ME2: variants seen among roughly 807,000 people sequenced by gnomAD.
ME2 encodes malic enzyme 2, also known as NAD-dependent malic enzyme, mitochondrial.
In ME2, 60 loss-of-function variants were observed where a neutral mutation model predicts 73.7. The ratio of observed to expected loss-of-function variants is 0.81; its 90% CI spans 0.66 to 1.01. The LOEUF (loss-of-function observed/expected upper bound fraction) is 1.01. Among genes scored for constraint, ME2 ranks in the 50% least tolerant of loss-of-function variants. ME2 has a pLI of 0.00. For synonymous variants in ME2, 199 were observed against 236.9 expected, an observed-to-expected ratio of 0.84 and a Z score of 1.47; for missense variants, 594 against 705.5, an observed-to-expected ratio of 0.84 and a Z score of 1.79.
At chr18:50,925,651 T>C in intron 11 of ME2, 105 bp from the exon 12 acceptor site, 2 of 879,504 alleles carry the variant, frequency 2.3e-6, no homozygotes, top group Non-Finnish European at 3.6e-6. Context: ...TAATGAGATA[T>C]TACCTGTGTT....
At chr18:50,902,267 G>A (rs564413814) in intron 2 of ME2, among the ~76,000 whole-genome samples, 28 of 152,208 alleles carry the variant, frequency 1.8e-4, no homozygotes, top group African/African-American at 6.7e-4. Context: ...AGTTCTCTGA[G>A]GGTTTTGTTA....
intron 15 of ME2, among the ~76,000 whole-genome samples, chr18:50,943,530 C>G (rs1918011802): frequency 6.6e-6 from 1 of 152,082 alleles, no homozygotes. Flanking sequence ...TCTCAAACTC[C>G]TGAGCTCAGG....
rs914034656 is a variant in ME2 at position 50,917,609 on chromosome 18, A to G, written c.630+101A>G. 35 of 809,078 alleles carry G rather than the reference A, an allele frequency of 4.3e-5. No homozygotes were observed. In the East Asian group the frequency reaches 9.6e-4, roughly 22 times the overall value. 50.1% of individuals were successfully genotyped at this position (809,078 alleles called of 1,614,324 possible). On this transcript the variant is annotated intron_variant, in intron 6 of 15. Transcript: ENST00000321341. ...TGATAATTTAAGAAGGGAAAGTTTT[A>G]TGATTAGATTTTTTTTTCTTAAACT...
At chr18:50,945,345 C>T (rs1918059252) in intron 15 of ME2, 1 of 152,156 alleles carries the variant, frequency 6.6e-6, no homozygotes, top group South Asian at 2.1e-4. Flanking sequence ...CTCATAAACT[C>T]CTGACGTCAG....
chr18:50,940,626 T>G (rs1227017031), intron 15 of ME2, among the ~76,000 whole-genome samples: 1 of 152,164 alleles, frequency 6.6e-6, no homozygotes, highest in East Asian at 1.9e-4. Context: ...TGTGCCTTTT[T>G]GAAAAATTGT....
intron 2 of ME2, among the ~76,000 whole-genome samples, chr18:50,903,388 A>G (rs756692900): frequency 2.6e-5 from 4 of 152,204 alleles, no homozygotes; most frequent in Non-Finnish European, 2.9e-5. Flanking sequence ...AAATCTAAAT[A>G]GGAAATAGGC....
In ME2 at chr18:50,879,477, G is replaced by T. The variant is rs1028663270; in HGVS notation, c.-13+169G>T. 2.3e-3 allele frequency among the ~76,000 whole-genome samples: 350 copies of T among 152,268 alleles called. 4 individuals carry two copies. Among genetic ancestry groups the T allele is most frequent in the Non-Finnish European group, 2.3e-3 (157 of 68,002 alleles). On this transcript the variant is annotated intron_variant, in intron 1 of 15. Transcript: ENST00000321341. The stretch of plus-strand genomic sequence containing the variant: ...GGGGCTGGGGGAAGGGAAGCGGTCT[G>T]CGGAGTCCGGGCTGAGGGCGAGGGA...
At chr18:50,894,461 A>G (rs962805471) in intron 1 of ME2, among the ~76,000 whole-genome samples, 3 of 152,000 alleles carry the variant, frequency 2.0e-5, no homozygotes, top group South Asian at 2.1e-4. Context: ...CCAGCTACTC[A>G]GAAGGCTAAG....
chr18:50,881,552 TA>T (rs1248117070), intron 1 of ME2, among the ~76,000 whole-genome samples: 12 of 152,352 alleles, frequency 7.9e-5, no homozygotes, highest in African/African-American at 2.6e-4. Context: ...TCAAAAGTGA[TA>T]AAAAATATAT....
chr18:50,946,685 C>T (rs1918090942), intron 15 of ME2, among the ~76,000 whole-genome samples: 1 of 152,150 alleles, frequency 6.6e-6, no homozygotes, highest in Non-Finnish European at 1.5e-5. Flanking sequence ...GGTTTTCTTC[C>T]TGGTCAAGTT....
At chr18:50,883,840 G>A (rs1220475459) in intron 1 of ME2, among the ~76,000 whole-genome samples, 2 of 152,134 alleles carry the variant, frequency 1.3e-5, no homozygotes, top group Admixed American at 1.3e-4. Flanking sequence ...TCCAGCCTGG[G>A]TGACAGAGCA....
intron 2 of ME2, among the ~76,000 whole-genome samples, chr18:50,899,460 T>TA (rs1053792224): frequency 2.6e-5 from 4 of 151,934 alleles, no homozygotes; most frequent in African/African-American, 9.7e-5. Flanking sequence ...ACCAAAAATA[T>TA]AAAAAAATTA....
chr18:50,944,349 G>A (rs568778145), intron 15 of ME2, among the ~76,000 whole-genome samples: 1 of 152,300 alleles, frequency 6.6e-6, no homozygotes, highest in South Asian at 2.1e-4. Flanking sequence ...TTCCCCAGAG[G>A]CAGGAGTAGA....
intron 13 of ME2, 134 bp downstream of exon 13, chr18:50,932,494 A>C: frequency 1.7e-5 from 9 of 514,826 alleles, no homozygotes; most frequent in East Asian, 3.4e-5. Flanking sequence ...AAGGAAACTC[A>C]AGGAATTCAT....
At position 50,947,221 on chromosome 18, in the gene ME2, G is replaced by A. The variant is rs762858412; in HGVS notation, c.*37G>A. The A allele has an allele frequency of 1.3e-6, 2 of 1,590,112 alleles. No homozygotes were observed. Among genetic ancestry groups the A allele is most frequent in the Non-Finnish European group, 1.7e-6 (2 of 1,167,200 alleles). On this transcript the variant is annotated 3_prime_UTR_variant, in exon 16 of 16. Transcript: ENST00000321341. ...TGATAAATACTTTCTGTGCTCCAGGGAACCCCTTTTTTCAGACAAGAAGAG... is the reference window on the plus strand; with the variant it reads ...TGATAAATACTTTCTGTGCTCCAGGAAACCCCTTTTTTCAGACAAGAAGAG...
At chr18:50,884,963 T>C (rs370217964) in intron 1 of ME2, among the ~76,000 whole-genome samples, 2 of 152,090 alleles carry the variant, frequency 1.3e-5, no homozygotes, top group East Asian at 3.9e-4. Flanking sequence ...CAAGCAATTC[T>C]CCCACCTCAG....
At chr18:50,923,896 G>A (rs531802753) in intron 10 of ME2, among the ~76,000 whole-genome samples, 2 of 152,144 alleles carry the variant, frequency 1.3e-5, no homozygotes, top group Non-Finnish European at 2.9e-5. Flanking sequence ...TAGGAATAAT[G>A]GTAGATTTGA....
At chr18:50,895,480 C>A (rs924224930) in intron 1 of ME2, among the ~76,000 whole-genome samples, 1 of 152,170 alleles carries the variant, frequency 6.6e-6, no homozygotes, top group Non-Finnish European at 1.5e-5. Flanking sequence ...ATGGAACTCA[C>A]TTTGCTATTT....
rs951228705 is a variant in ME2, at chr18:50,888,536, T to C, written c.-12-7273T>C. Among the ~76,000 whole-genome samples, 42 of 152,218 alleles carry C rather than the reference T, an allele frequency of 2.8e-4. 1 individual carries two copies. The highest frequency in any genetic ancestry group is 1.4e-3 in the Admixed American group (21 of 15,288). ...ACTACGACTGGTAAGCTGAGTGATA[T>C]TGGACATGTCCATTTCTGTTTCTGG... On this transcript the variant is annotated intron_variant, in intron 1 of 15. Transcript: ENST00000321341.
Sources: gnomAD v4.1 joint callset for allele counts (sites outside exome capture counted in the v4.1 genomes callset) on GRCh38, gnomAD v4.1.1 for gene constraint, MANE v1.5 for transcripts, NCBI Gene and HGNC (gene_info 2026-07-23, HGNC 2026-07-21) for gene names.